Variants in PRKCA observed in about 807,000 individuals in gnomAD.
The protein encoded by PRKCA is protein kinase C alpha type.
A neutral mutation model predicts 87.0 loss-of-function variants in PRKCA; 27 were observed. The ratio of observed to expected loss-of-function variants is 0.31; its 90% confidence interval spans 0.23 to 0.43. The LOEUF is 0.43. Ranked by LOEUF, PRKCA falls within the 20% of genes least tolerant of loss-of-function variation. PRKCA has a pLI of 1.00. For missense variants in PRKCA, 518 were observed against 852.3 expected (o/e 0.61, Z 4.88); for synonymous variants, 329 against 311.1 (o/e 1.06, Z -0.61).
intron 3 of PRKCA, among the ~76,000 whole-genome samples, chr17:66,580,581 C>T (rs1031967306): frequency 7.9e-5 from 12 of 152,190 alleles, no homozygotes; most frequent in East Asian, 1.9e-4. Context: ...TCAGCTTCCC[C>T]GTAGCTAAAC....
At chr17:66,366,402 CCTGA>C (rs1169470126) in intron 2 of PRKCA, among the ~76,000 whole-genome samples, 1 of 152,142 alleles carries the variant, frequency 6.6e-6, no homozygotes, top group Non-Finnish European at 1.5e-5. Flanking sequence ...GGGATATGCA[CCTGA>C]CTAACTTATT....
intron 4 of PRKCA, 60 bp downstream of exon 4, chr17:66,641,526 C>A: frequency 7.7e-7 from 1 of 1,298,954 alleles, no homozygotes; most frequent in Non-Finnish European, 1.1e-6. Context: ...TCAGGGTTTG[C>A]TGAGCAAGGA....
intron 2 of PRKCA, among the ~76,000 whole-genome samples, chr17:66,307,585 T>G (rs1904886751): frequency 6.6e-6 from 1 of 152,218 alleles, no homozygotes. Flanking sequence ...TTTATCATTT[T>G]CTGCATAAAT....
chr17:66,511,187 CT>C (rs775580977), intron 3 of PRKCA, among the ~76,000 whole-genome samples: 37 of 152,054 alleles, frequency 2.4e-4, no homozygotes, highest in Non-Finnish European at 3.8e-4. Flanking sequence ...AGGCAGGAAG[CT>C]TTGTAGAATG....
chr17:66,591,227 G>T (rs574163056), intron 3 of PRKCA, among the ~76,000 whole-genome samples: 1 of 152,054 alleles, frequency 6.6e-6, no homozygotes, highest in Non-Finnish European at 1.5e-5. Context: ...ATCAGGGCTC[G>T]CTGTAGCCTT....
intron 2 of PRKCA, among the ~76,000 whole-genome samples, chr17:66,471,475 T>C (rs1053640509): frequency 5.3e-5 from 8 of 152,282 alleles, no homozygotes; most frequent in South Asian, 2.1e-4. Flanking sequence ...CTGAGTGGAA[T>C]TGAGTTGCAA....
At chr17:66,651,226 G>A (rs1247937300) in intron 5 of PRKCA, among the ~76,000 whole-genome samples, 1 of 152,172 alleles carries the variant, frequency 6.6e-6, no homozygotes, top group African/African-American at 2.4e-5. Flanking sequence ...AGAGCTGGAG[G>A]GAAGTTTGTT....
At chr17:66,573,410 C>T (rs1343110679) in intron 3 of PRKCA, among the ~76,000 whole-genome samples, 1 of 152,204 alleles carries the variant, frequency 6.6e-6, no homozygotes, top group South Asian at 2.1e-4. Context: ...GTGATCAGTT[C>T]GTTTTCTGCT....
intron 3 of PRKCA, among the ~76,000 whole-genome samples, chr17:66,583,740 G>A (rs528723594): frequency 1.3e-5 from 2 of 152,112 alleles, no homozygotes; most frequent in Admixed American, 1.3e-4. Context: ...TTGAAGTTGG[G>A]TAAGTATTTT....
chr17:66,720,880 T>A (rs140322153), intron 8 of PRKCA, among the ~76,000 whole-genome samples: 196 of 152,318 alleles, frequency 1.3e-3, no homozygotes, highest in Non-Finnish European at 2.1e-3. Context: ...GATAAGTATA[T>A]TACTCAAAGC....
chr17:66,323,373 G>T (rs1905795028), intron 2 of PRKCA, among the ~76,000 whole-genome samples: 1 of 152,194 alleles, frequency 6.6e-6, no homozygotes, highest in Non-Finnish European at 1.5e-5. Flanking sequence ...TTATGGGTCT[G>T]TTATTGTGGA....
In PRKCA at chr17:66,742,652, T is replaced by C; in HGVS notation, c.1416T>C (p.Asp472=). The part of the protein sequence containing the change: ...RDLKLDNVML[D]SEGHIKIADF... ...TGAAGTTAGATAACGTCATGTTGGA[T>C]TCAGAAGGACATATCAAAATTGCTG... Residue 472 remains aspartate, a synonymous_variant, in exon 13 of 17, where the codon GAT becomes GAC. Coordinates refer to ENST00000413366, the MANE Select transcript of PRKCA (RefSeq NM_002737.3). The C allele has an allele frequency of 6.2e-7, 1 of 1,614,132 alleles. No individual in the cohort carries two copies. The highest frequency in any genetic ancestry group is 8.5e-7 in the Non-Finnish European group (1 of 1,180,002).
At chr17:66,346,016 C>T (rs1379271137) in intron 2 of PRKCA, among the ~76,000 whole-genome samples, 1 of 151,832 alleles carries the variant, frequency 6.6e-6, no homozygotes, top group Non-Finnish European at 1.5e-5. Flanking sequence ...CTAGCATCAT[C>T]TGGAAGGTGC....
At chr17:66,744,448 G>A (rs889500631) in intron 13 of PRKCA, among the ~76,000 whole-genome samples, 1 of 152,156 alleles carries the variant, frequency 6.6e-6, no homozygotes, top group Non-Finnish European at 1.5e-5. Flanking sequence ...ATGGGGAATG[G>A]CAGCTTTTTT....
chr17:66,775,869 GGTTA>G (rs1186373244), intron 14 of PRKCA: 2 of 592,366 alleles, frequency 3.4e-6, no homozygotes, highest in Non-Finnish European at 4.2e-6. Flanking sequence ...ACAGCAGACA[GGTTA>G]GATAAGGAAA....
chr17:66,738,752 C>G lies in PRKCA; in HGVS notation c.1231-12C>G. 1.9e-6 allele frequency: 3 copies of G among 1,612,164 alleles called. No individual in the cohort carries two copies. The highest frequency in any genetic ancestry group is 1.3e-5 in the African/African-American group (1 of 74,968). On this transcript the variant is annotated splice_polypyrimidine_tract_variant and intron_variant, in intron 10 of 16. Coordinates refer to ENST00000413366, the MANE Select transcript of PRKCA (RefSeq NM_002737.3). ...GAGGAGCCCTGCTCATGTGTTGAAC[C>G]TTGGTCTGCAGGATCGGCTGTACTT... is the stretch of plus-strand genomic sequence containing the variant.
intron 5 of PRKCA, among the ~76,000 whole-genome samples, chr17:66,647,512 C>T (rs1169370475): frequency 1.3e-5 from 2 of 152,220 alleles, no homozygotes; most frequent in Admixed American, 6.5e-5. Context: ...ATGCTGGACA[C>T]GCCCCGTGCC....
At chr17:66,463,722 A>G (rs1914961658) in intron 2 of PRKCA, among the ~76,000 whole-genome samples, 1 of 151,942 alleles carries the variant, frequency 6.6e-6, no homozygotes, top group Non-Finnish European at 1.5e-5. Flanking sequence ...TTTTTAATTT[A>G]TTTTTTAGAG....
chr17:66,437,731 T>TTTTTTTTTTTGGG lies in PRKCA; in HGVS notation c.206-58470_206-58469insTTTTTTTTTTGGG, dbSNP rs55779501. ...TTGTTTCAAGTTTCCTTTTTTTTTTTGAGCGGGGGGTGGGTGGGGCGGGGG... is the reference window on the plus strand; with the variant it reads ...TTGTTTCAAGTTTCCTTTTTTTTTTTTTTTTTTTTTGGGGAGCGGGGGGTGGGTGGGGCGGGGG... On this transcript the variant is annotated intron_variant, in intron 2 of 16. Coordinates refer to ENST00000413366, the MANE Select transcript of PRKCA (RefSeq NM_002737.3). Among the ~76,000 whole-genome samples, 67 of 11,164 alleles carry TTTTTTTTTTTGGG rather than the reference T, an allele frequency of 6.0e-3. 2 individuals carry two copies. Among genetic ancestry groups the TTTTTTTTTTTGGG allele is most frequent in the Admixed American group, 0.01 (7 of 700 alleles). The allele number at this position is 11,164 out of a possible 152,430, so 7.3% of individuals were successfully genotyped here. A position where few individuals can be genotyped will look rare whatever the true frequency, so the allele number is the denominator to read the frequency against.
Sources: allele counts gnomAD v4.1 joint callset (sites outside exome capture counted in the v4.1 genomes callset), GRCh38; gene constraint gnomAD v4.1.1; transcripts MANE v1.5; gene names NCBI Gene and HGNC (gene_info 2026-07-23, HGNC 2026-07-21).